PAPOLA: variants seen among roughly 807,000 people sequenced by gnomAD.
The protein encoded by PAPOLA is poly(A) polymerase alpha.
Under a neutral mutation model 100.6 loss-of-function variants are expected in PAPOLA, and 15 were observed. The observed-to-expected ratio is 0.15, with a 90% confidence interval of 0.10 to 0.23. The LOEUF (loss-of-function observed/expected upper bound fraction) is 0.23, where lower values mean the gene tolerates loss of function less well. Ranked by LOEUF, PAPOLA falls within the 10% of genes least tolerant of loss-of-function variation. PAPOLA has a pLI of 1.00. For synonymous variants in PAPOLA, 293 were observed against 300.0 expected, an observed-to-expected ratio of 0.98 and a Z score of 0.24; for missense variants, 533 against 884.2, an observed-to-expected ratio of 0.60 and a Z score of 5.04.
chr14:96,520,849 A>G, intron 2 of PAPOLA, 157 bp from the exon 3 acceptor site: 1 of 552,278 alleles, frequency 1.8e-6, no homozygotes, highest in East Asian at 3.1e-5. Flanking sequence ...AGAGAGAGAA[A>G]GCGAGAGAGA....
chr14:96,549,982 G>A (rs538501264), intron 16 of PAPOLA, among the ~76,000 whole-genome samples: 60 of 152,174 alleles, frequency 3.9e-4, no homozygotes, highest in Middle Eastern at 3.4e-3. Flanking sequence ...GCAAGACTCC[G>A]TCTCTAAAAA....
Position 96,531,486 on chromosome 14 carries a change from G to A in PAPOLA, c.507G>A (p.Leu169=). ...TGTTTGTGTTTCAGATTGATATTTT[G>A]TTTGCAAGATTAGCACTGCAGACAA... ...LCFDGIEIDI[L]FARLALQTIP... The change falls in exon 7 of 22, where the codon TTG becomes TTA. Residue 169 remains leucine (L), a synonymous_variant. Coordinates refer to ENST00000216277, the MANE Select transcript of PAPOLA (RefSeq NM_032632.5). 6.2e-7 allele frequency: 1 copy of A among 1,604,212 alleles called. No homozygotes were observed.
rs145573472 is a variant in PAPOLA, at chr14:96,540,099, T to C, written c.1116-2144T>C. Among the ~76,000 whole-genome samples the C allele has an allele frequency of 6.6e-3, 1,009 of 152,304 alleles. 12 individuals are homozygous for C. The highest frequency in any genetic ancestry group is 0.023 in the African/African-American group (962 of 41,570). ...CCTTTTGGATTTCAGTAAGAAGTTA[T>C]GTTGAACTCTAGGATTCAAAACTTT... On this transcript the variant is annotated intron_variant, in intron 12 of 21. Coordinates refer to ENST00000216277, the MANE Select transcript of PAPOLA (RefSeq NM_032632.5).
At chr14:96,504,883 AT>A (rs1219734517) in intron 1 of PAPOLA, among the ~76,000 whole-genome samples, 1 of 151,942 alleles carries the variant, frequency 6.6e-6, no homozygotes, top group Non-Finnish European at 1.5e-5. Context: ...TTTGGCTTTC[AT>A]TTTTGGTATA....
At chr14:96,534,885 T>TA in intron 10 of PAPOLA, 1 of 1,052,706 alleles carries the variant, frequency 9.5e-7, no homozygotes, top group Non-Finnish European at 1.1e-6. Context: ...AAAAGGATAC[T>TA]AAAAATCCCT....
intron 11 of PAPOLA, 45 bp downstream of exon 11, chr14:96,536,044 C>A: frequency 6.8e-7 from 1 of 1,460,578 alleles, no homozygotes; most frequent in Non-Finnish European, 9.2e-7. Flanking sequence ...GAAGGATTTA[C>A]GTACCATTGT....
At chr14:96,540,437 A>T in intron 12 of PAPOLA, among the ~76,000 whole-genome samples, 1 of 148,526 alleles carries the variant, frequency 6.7e-6, no homozygotes, top group Non-Finnish European at 1.5e-5. Flanking sequence ...TTAACCAGTT[A>T]GCCATTTTTA....
intron 19 of PAPOLA, chr14:96,560,442 T>TG: frequency 2.1e-6 from 1 of 473,208 alleles, no homozygotes; most frequent in Non-Finnish European, 3.7e-6. Flanking sequence ...GTTTTCCTAA[T>TG]GCTCTTTTTA....
intron 12 of PAPOLA, 101 bp from the exon 13 acceptor site, chr14:96,542,142 A>T (rs897567010): frequency 6.3e-6 from 4 of 630,000 alleles, no homozygotes; most frequent in Middle Eastern, 3.5e-4. Flanking sequence ...TGCTAAATTG[A>T]TGTGGATCTA....
chr14:96,509,470 A>G (rs78618544), intron 1 of PAPOLA, among the ~76,000 whole-genome samples: 242 of 152,380 alleles, frequency 1.6e-3, no homozygotes, highest in East Asian at 8.3e-3. Context: ...CATATAGTGT[A>G]TACTTGTAGT....
intron 6 of PAPOLA, among the ~76,000 whole-genome samples, chr14:96,529,440 T>C (rs1898792244): frequency 6.6e-6 from 1 of 151,550 alleles, no homozygotes; most frequent in South Asian, 2.1e-4. Flanking sequence ...AGTGATCTAG[T>C]AGCCAGGCAC....
At position 96,517,126 on chromosome 14, in the gene PAPOLA, T is replaced by C. The variant is rs147017147; in HGVS notation, c.9-2929T>C. Among the ~76,000 whole-genome samples the C allele has an allele frequency of 4.1e-3, 622 of 152,350 alleles. 3 individuals are homozygous for C. The highest frequency in any genetic ancestry group is 0.014 in the African/African-American group (589 of 41,570). On this transcript the variant is annotated intron_variant, in intron 1 of 21. Transcript: ENST00000216277. Reference sequence around the variant, plus strand: ...GCTACAAAAGTATAATTTCAGCTTATACTTGACTTAAAAGCTCTCCTTGCT... The same window carrying C: ...GCTACAAAAGTATAATTTCAGCTTACACTTGACTTAAAAGCTCTCCTTGCT...
chr14:96,521,759 G>A (rs958773199), intron 3 of PAPOLA, among the ~76,000 whole-genome samples: 5 of 151,616 alleles, frequency 3.3e-5, no homozygotes, highest in Admixed American at 1.3e-4. Context: ...TGTTCCAGGC[G>A]TGAGCCGCTG....
At chr14:96,560,892 T>G (rs1226533484) in intron 20 of PAPOLA, among the ~76,000 whole-genome samples, 181 bp downstream of exon 20, 1 of 152,204 alleles carries the variant, frequency 6.6e-6, no homozygotes. Flanking sequence ...AAACACATTC[T>G]GTGCCTTTAA....
At chr14:96,556,487 GT>G in intron 19 of PAPOLA, 74 bp downstream of exon 19, 1 of 992,490 alleles carries the variant, frequency 1.0e-6, no homozygotes, top group Non-Finnish European at 1.6e-6. Context: ...TGGAAGAAAA[GT>G]TTATGAACCA....
chr14:96,551,757 A>G (rs1464798121), intron 16 of PAPOLA, among the ~76,000 whole-genome samples: 1 of 152,164 alleles, frequency 6.6e-6, no homozygotes, highest in Non-Finnish European at 1.5e-5. Flanking sequence ...GAAACCATCC[A>G]TAGTTTTTGG....
intron 13 of PAPOLA, 185 bp from the exon 14 acceptor site, chr14:96,542,589 C>T (rs138902666): frequency 1.0e-4 from 58 of 578,626 alleles, no homozygotes; most frequent in African/African-American, 9.7e-4. Context: ...TGTAACCTTG[C>T]TGGTGTGAAT....
chr14:96,562,887 C>G lies in PAPOLA; in HGVS notation c.2136C>G (p.Ala712=). The change falls in exon 21 of 22, where the codon GCC becomes GCG. Residue 712 remains alanine (A), a synonymous_variant. Transcript: ENST00000216277. ...TTCAGACAGCGGCTTCTCTGTTGGC[C>G]TCTCAGGTACTAAGTGCAAAAAGCA... ...ETIQTAASLL[A]SQKTSSTDLS... 1 of 1,603,624 alleles carries G rather than the reference C, an allele frequency of 6.2e-7. No individual in the cohort carries two copies.
rs1256535752 is a variant in PAPOLA, at chr14:96,522,111, TC to T, written c.249+1040del. On this transcript the variant is annotated intron_variant, in intron 3 of 21. Transcript: ENST00000216277. ...AGCCACTGCATCTAGCCTCTTTCTT[TC>T]TTTCTTTTTTTTTTTTTTTTTTTTT... Among the ~76,000 whole-genome samples the T allele has an allele frequency of 2.4e-3, 270 of 114,790 alleles. 3 individuals are homozygous for T. Among genetic ancestry groups the T allele is most frequent in the African/African-American group, 0.011 (252 of 22,972 alleles). 75.3% of individuals were successfully genotyped at this position (114,790 alleles called of 152,430 possible).
Sources: gnomAD v4.1 joint callset for allele counts (sites outside exome capture counted in the v4.1 genomes callset) on GRCh38, gnomAD v4.1.1 for gene constraint, MANE v1.5 for transcripts, NCBI Gene and HGNC (gene_info 2026-07-23, HGNC 2026-07-21) for gene names.